The following FAM107B variants were observed in gnomAD, a reference collection of about 807,000 sequenced individuals.
FAM107B encodes the protein family with sequence similarity 107 member B, also known as protein FAM107B.
A neutral mutation model predicts 31.5 loss-of-function variants in FAM107B; 21 were observed. The observed-to-expected ratio is 0.67, with a 90% CI of 0.47 to 0.96. FAM107B has a LOEUF of 0.96. FAM107B is among the 40% of genes least tolerant of loss of function. The pLI is 0.00. For synonymous variants in FAM107B, 157 were observed against 141.5 expected (o/e 1.11, Z -0.78); for missense variants, 452 against 377.1 (o/e 1.20, Z -1.64).
At chr10:14,681,813 C>T (rs962106044) in intron 1 of FAM107B, among the ~76,000 whole-genome samples, 15 of 152,168 alleles carry the variant, frequency 9.9e-5, no homozygotes, top group Admixed American at 5.9e-4. Flanking sequence ...CGCAACAGTT[C>T]GCTCCCAAGT....
intron 2 of FAM107B, among the ~76,000 whole-genome samples, chr10:14,636,120 G>A (rs528474404): frequency 3.9e-5 from 6 of 152,166 alleles, no homozygotes; most frequent in East Asian, 1.9e-4. Context: ...CTACTTCTTC[G>A]ATGCTCCTTT....
intron 2 of FAM107B, among the ~76,000 whole-genome samples, chr10:14,604,679 T>C (rs905742066): frequency 1.3e-5 from 2 of 151,946 alleles, no homozygotes; most frequent in African/African-American, 4.8e-5. Flanking sequence ...GGCGGCCGCG[T>C]GGGTCACAGC....
chr10:14,531,459 T>C (rs1846987509), intron 2 of FAM107B, among the ~76,000 whole-genome samples: 1 of 150,386 alleles, frequency 6.6e-6, no homozygotes, highest in Non-Finnish European at 1.5e-5. Flanking sequence ...GTTGAGAGGC[T>C]GCAGTGGGCT....
intron 2 of FAM107B, among the ~76,000 whole-genome samples, chr10:14,543,032 G>T (rs1245396050): frequency 6.6e-6 from 1 of 152,110 alleles, no homozygotes; most frequent in African/African-American, 2.4e-5. Context: ...TAAACTCATT[G>T]GCCTTAAAAT....
intron 1 of FAM107B, among the ~76,000 whole-genome samples, chr10:14,676,966 C>A (rs957921311): frequency 1.3e-5 from 2 of 152,120 alleles, no homozygotes; most frequent in Admixed American, 1.3e-4. Context: ...GTCCTGGTCC[C>A]CTCACTCCAA....
intron 2 of FAM107B, chr10:14,554,277 G>A (rs1588568238): frequency 8.7e-6 from 3 of 343,670 alleles, no homozygotes; most frequent in South Asian, 1.2e-4. Context: ...CTGCAGGCAT[G>A]AGAAACATGA....
intron 1 of FAM107B, chr10:14,724,192 G>A (rs1855977655): frequency 2.4e-6 from 1 of 421,336 alleles, no homozygotes; most frequent in Non-Finnish European, 4.3e-6. Flanking sequence ...TCTAATATTT[G>A]TGTCTTATAT....
chr10:14,757,230 G>C (rs979343136), intron 1 of FAM107B, among the ~76,000 whole-genome samples: 1 of 151,932 alleles, frequency 6.6e-6, no homozygotes, highest in African/African-American at 2.4e-5. Context: ...CTCTAGGGTT[G>C]GGAATTTTGT....
chr10:14,542,741 T>C (rs1479469537), intron 2 of FAM107B: 2 of 152,170 alleles, frequency 1.3e-5, no homozygotes, highest in African/African-American at 2.4e-5. Flanking sequence ...GAGAACCAAA[T>C]ACCCATTTCT....
At chr10:14,639,769 C>T (rs1402508618) in intron 2 of FAM107B, among the ~76,000 whole-genome samples, 2 of 152,174 alleles carry the variant, frequency 1.3e-5, no homozygotes, top group Non-Finnish European at 2.9e-5. Flanking sequence ...AGCCTCATCT[C>T]CCATCTTGCT....
intron 1 of FAM107B, among the ~76,000 whole-genome samples, chr10:14,722,813 T>C (rs1376414781): frequency 1.3e-5 from 2 of 152,208 alleles, no homozygotes; most frequent in African/African-American, 2.4e-5. Flanking sequence ...AAGTTTTTAA[T>C]TTTGATAAAT....
chr10:14,597,863 T>C (rs920299215), intron 2 of FAM107B, among the ~76,000 whole-genome samples: 1 of 152,108 alleles, frequency 6.6e-6, no homozygotes, highest in Non-Finnish European at 1.5e-5. Context: ...GGCAGGAGAA[T>C]CGCTTGAACC....
chr10:14,681,055 G>T (rs984401177), intron 1 of FAM107B, among the ~76,000 whole-genome samples: 1 of 152,210 alleles, frequency 6.6e-6, no homozygotes, highest in South Asian at 2.1e-4. Flanking sequence ...CCTTCACTGT[G>T]TAGAATGCTA....
intron 3 of FAM107B, among the ~76,000 whole-genome samples, chr10:14,523,855 G>A (rs372395215): frequency 7.9e-5 from 12 of 151,010 alleles, no homozygotes; most frequent in African/African-American, 2.9e-4. Context: ...AGTAAAAATC[G>A]GTATATTCCA....
intron 2 of FAM107B, among the ~76,000 whole-genome samples, chr10:14,609,347 A>G (rs11259220): frequency 0.1 from 15,283 of 152,170 alleles, 849 homozygotes; most frequent in East Asian, 0.19. Context: ...CTCATAGTTC[A>G]TCTTGTCTGG....
At chr10:14,625,881 G>T (rs200318369) in intron 2 of FAM107B, among the ~76,000 whole-genome samples, 2 of 17,398 alleles carry the variant, frequency 1.1e-4, no homozygotes, top group South Asian at 4.0e-3. Context: ...AAAAAAAAAA[G>T]CTAATTTCAA....
chr10:14,638,247 T>G (rs1853550070), intron 2 of FAM107B, among the ~76,000 whole-genome samples: 1 of 152,180 alleles, frequency 6.6e-6, no homozygotes, highest in Admixed American at 6.5e-5. Flanking sequence ...TAGCTGTGGA[T>G]TTACAGAAAT....
intron 1 of FAM107B, among the ~76,000 whole-genome samples, chr10:14,677,081 C>T (rs909985494): frequency 1.3e-5 from 2 of 152,184 alleles, no homozygotes; most frequent in African/African-American, 4.8e-5. Flanking sequence ...TCTGCCCAAT[C>T]CTGCCCCTTT....
intron 1 of FAM107B, among the ~76,000 whole-genome samples, chr10:14,771,565 G>A (rs1401275146): frequency 6.6e-6 from 1 of 151,600 alleles, no homozygotes; most frequent in Non-Finnish European, 1.5e-5. Context: ...ATTTATACAT[G>A]TATACATACC....
Sources: gnomAD v4.1 joint callset for allele counts (sites outside exome capture counted in the v4.1 genomes callset) on GRCh38, gnomAD v4.1.1 for gene constraint, MANE v1.5 for transcripts, NCBI Gene and HGNC (gene_info 2026-07-23, HGNC 2026-07-21) for gene names.